The following SRGAP1 variants were observed in gnomAD, a reference collection of about 807,000 sequenced individuals.
SRGAP1 encodes SLIT-ROBO Rho GTPase-activating protein 1.
SRGAP1 carries 43 observed loss-of-function variants against 121.9 expected under a neutral mutation model. The observed-to-expected ratio is 0.35, with a 90% CI of 0.28 to 0.46. The LOEUF (loss-of-function observed/expected upper bound fraction) is 0.46. Among genes scored for constraint, SRGAP1 ranks in the 20% least tolerant of loss-of-function variants. SRGAP1 has a pLI of 1.00. For synonymous variants in SRGAP1, 447 were observed against 485.4 expected, an observed-to-expected ratio of 0.92 and a Z score of 1.04; for missense variants, 1,102 against 1,350.9, an observed-to-expected ratio of 0.82 and a Z score of 2.89.
chr12:63,923,255 C>T (rs2031135486), intron 1 of SRGAP1, among the ~76,000 whole-genome samples: 1 of 152,122 alleles, frequency 6.6e-6, no homozygotes, highest in South Asian at 2.1e-4. Context: ...GACATAGTTT[C>T]TCTCCCTCTT....
At chr12:64,111,376 G>A (rs1301229671) in intron 16 of SRGAP1, among the ~76,000 whole-genome samples, 2 of 152,042 alleles carry the variant, frequency 1.3e-5, no homozygotes, top group Admixed American at 1.3e-4. Flanking sequence ...ATTTGAGTGG[G>A]GAGAAGACAA....
chr12:64,098,360 T>TA (rs74262000), intron 15 of SRGAP1, among the ~76,000 whole-genome samples: 4,476 of 136,886 alleles, frequency 0.033, 131 homozygotes, highest in African/African-American at 0.084. Flanking sequence ...CAGCTAGAGT[T>TA]AAAAAAAAAA....
chr12:63,857,630 C>CGT (rs1899301205), intron 1 of SRGAP1, among the ~76,000 whole-genome samples: 1 of 152,142 alleles, frequency 6.6e-6, no homozygotes, highest in Non-Finnish European at 1.5e-5. Flanking sequence ...GTGATCCACC[C>CGT]GCCTTGGCCT....
At chr12:63,991,311 C>A (rs2136419819) in intron 3 of SRGAP1, among the ~76,000 whole-genome samples, 1 of 152,226 alleles carries the variant, frequency 6.6e-6, no homozygotes, top group South Asian at 2.1e-4. Context: ...AGAGAGGCTC[C>A]TTAAAACAAA....
At chr12:64,026,058 T>C (rs1352830583) in intron 4 of SRGAP1, among the ~76,000 whole-genome samples, 2 of 152,028 alleles carry the variant, frequency 1.3e-5, no homozygotes, top group African/African-American at 4.8e-5. Flanking sequence ...GATTAATGTT[T>C]ATATACCACA....
In SRGAP1 at chr12:63,892,070, C is replaced by A. The variant is rs535951856; in HGVS notation, c.67+47187C>A. On this transcript the variant is annotated intron_variant, in intron 1 of 21. Transcript: ENST00000355086. ...TCATTCCAGAAATTCTACCATACGACTCTTTTTCCAGATTCAATTATGTAA... is the reference window on the plus strand; with the variant it reads ...TCATTCCAGAAATTCTACCATACGAATCTTTTTCCAGATTCAATTATGTAA... 1.8e-3 allele frequency among the ~76,000 whole-genome samples: 270 copies of A among 151,826 alleles called. 1 individual carries two copies. Among genetic ancestry groups the A allele is most frequent in the African/African-American group, 6.3e-3 (261 of 41,442 alleles).
chr12:64,042,989 C>T lies in SRGAP1; in HGVS notation c.672+17C>T, dbSNP rs373835851. 27 of 1,569,532 alleles carry T rather than the reference C, an allele frequency of 1.7e-5. No individual in the cohort carries two copies. The highest frequency in any genetic ancestry group is 2.3e-5 in the Non-Finnish European group (26 of 1,142,518). ...AAAGAAAAAGTAAGTAAAGAGATTG[C>T]AGAGCTCTTCTGCCTTCATTTGAGG... On this transcript the variant is annotated intron_variant, in intron 5 of 21. Coordinates refer to ENST00000355086, the MANE Select transcript of SRGAP1 (RefSeq NM_020762.4).
rs1159654414 is a variant in SRGAP1 at position 64,072,149 on chromosome 12, G to GTGTGTGTGTGT, written c.1126-6770_1126-6769insTGTGTGTGTGT. Among the ~76,000 whole-genome samples the GTGTGTGTGTGT allele has an allele frequency of 6.0e-4, 11 of 18,400 alleles. 1 individual carries two copies. Among genetic ancestry groups the GTGTGTGTGTGT allele is most frequent in the African/African-American group, 7.6e-4 (7 of 9,256 alleles). The allele number at this position is 18,400 out of a possible 152,430, so 12.1% of individuals were successfully genotyped here. A position where few individuals can be genotyped will look rare whatever the true frequency, so the allele number is the denominator to read the frequency against. ...GTGTGTGTGTGTGTGTGTGTGTGTG[G>GTGTGTGTGTGT]GCGGCGGGGGGGGGCTCTTTCTGCT... On this transcript the variant is annotated intron_variant, in intron 8 of 21. Transcript: ENST00000355086.
At chr12:64,091,893 C>G in intron 12 of SRGAP1, 1 of 1,535,658 alleles carries the variant, frequency 6.5e-7, no homozygotes, top group Non-Finnish European at 8.7e-7. Flanking sequence ...ATGCTTCTAG[C>G]CGAGGACGAA....
intron 5 of SRGAP1, 85 bp from the exon 6 acceptor site, chr12:64,043,362 T>G (rs2035061072): frequency 7.6e-7 from 1 of 1,320,492 alleles, no homozygotes; most frequent in African/African-American, 1.5e-5. Context: ...ATTGTTAAGG[T>G]TAATAAAAAT....
chr12:63,876,696 A>C lies in SRGAP1; in HGVS notation c.67+31813A>C, dbSNP rs193171885. Among the ~76,000 whole-genome samples, 294 of 152,324 alleles carry C rather than the reference A, an allele frequency of 1.9e-3. 1 individual carries two copies. Among genetic ancestry groups the C allele is most frequent in the Middle Eastern group, 0.014 (4 of 294 alleles). Reference sequence around the variant, plus strand: ...ATGATGTACGCTCATGTTGACTTCTAAGATAAGCATGTGATTTAGATAATT... The same window carrying C: ...ATGATGTACGCTCATGTTGACTTCTCAGATAAGCATGTGATTTAGATAATT... On this transcript the variant is annotated intron_variant, in intron 1 of 21. Coordinates refer to ENST00000355086, the MANE Select transcript of SRGAP1 (RefSeq NM_020762.4).
At chr12:63,980,093 C>T (rs551178485) in intron 1 of SRGAP1, among the ~76,000 whole-genome samples, 8 of 152,280 alleles carry the variant, frequency 5.3e-5, no homozygotes, top group African/African-American at 9.6e-5. Context: ...CTCTGTTGTC[C>T]GGGCTGGAGT....
chr12:64,075,771 C>G (rs1184202358), intron 8 of SRGAP1, among the ~76,000 whole-genome samples: 1 of 152,048 alleles, frequency 6.6e-6, no homozygotes, highest in African/African-American at 2.4e-5. Context: ...ACAGTATCTA[C>G]TCTTTGCATT....
chr12:63,955,291 C>T (rs2136371733), intron 1 of SRGAP1, among the ~76,000 whole-genome samples: 2 of 152,080 alleles, frequency 1.3e-5, no homozygotes, highest in East Asian at 3.9e-4. Flanking sequence ...TGCACTCCAG[C>T]CTGGGTGACA....
intron 4 of SRGAP1, among the ~76,000 whole-genome samples, chr12:64,017,213 A>C (rs930641840): frequency 6.6e-6 from 1 of 152,178 alleles, no homozygotes; most frequent in African/African-American, 2.4e-5. Context: ...TATTCAAATA[A>C]ATTATCTATC....
At chr12:64,013,296 G>A (rs1222381236) in intron 3 of SRGAP1, among the ~76,000 whole-genome samples, 3 of 152,152 alleles carry the variant, frequency 2.0e-5, no homozygotes, top group Non-Finnish European at 4.4e-5. Flanking sequence ...CATGAGGACA[G>A]GAACCATGTC....
intron 4 of SRGAP1, among the ~76,000 whole-genome samples, chr12:64,030,421 A>C (rs1316379751): frequency 6.6e-6 from 1 of 152,222 alleles, no homozygotes; most frequent in Non-Finnish European, 1.5e-5. Context: ...TTATAAGTAC[A>C]CTTTACTTTC....
In SRGAP1 at chr12:64,147,077, G is replaced by A. The variant is rs1439771754; in HGVS notation, c.*4405G>A. On this transcript the variant is annotated 3_prime_UTR_variant, in exon 22 of 22. Coordinates refer to ENST00000355086, the MANE Select transcript of SRGAP1 (RefSeq NM_020762.4). ...TAGAGCATTCATCCAAGTTCAGTGT[G>A]TAGTGTGATGGTTATTATAGATATT... 1 of 159,978 alleles carries A rather than the reference G, an allele frequency of 6.3e-6. No individual in the cohort carries two copies. 9.9% of individuals were successfully genotyped at this position (159,978 alleles called of 1,614,324 possible). A position where few individuals can be genotyped will look rare whatever the true frequency, so the allele number is the denominator to read the frequency against.
At chr12:63,895,145 T>C (rs1900714367) in intron 1 of SRGAP1, among the ~76,000 whole-genome samples, 1 of 152,200 alleles carries the variant, frequency 6.6e-6, no homozygotes, top group Non-Finnish European at 1.5e-5. Flanking sequence ...ACCTGTTGTT[T>C]CCTGACTTTT....
Sources: gnomAD v4.1 joint callset for allele counts (sites outside exome capture counted in the v4.1 genomes callset) on GRCh38, gnomAD v4.1.1 for gene constraint, MANE v1.5 for transcripts, NCBI Gene and HGNC (gene_info 2026-07-23, HGNC 2026-07-21) for gene names.